The following SAXO4 variants were observed in gnomAD, a reference collection of about 807,000 sequenced individuals.
SAXO4 encodes protein phosphatase 1 regulatory subunit 32.
chr11:61,489,527 G>T, the SAXO4 span: 2 of 582,286 alleles, frequency 3.4e-6, no homozygotes, highest in Non-Finnish European at 6.1e-6. Flanking sequence ...CAAGGTACTG[G>T]CAGGCCAGGG....
chr11:61,490,273 G>A, the SAXO4 span, among the ~76,000 whole-genome samples: 1 of 152,160 alleles, frequency 6.6e-6, no homozygotes, highest in East Asian at 1.9e-4. Context: ...GAGATGAATG[G>A]ACTGTGGTTC....
At chr11:61,482,406 G>A in the SAXO4 span, 1 of 1,614,000 alleles carries the variant, frequency 6.2e-7, no homozygotes, top group African/African-American at 1.3e-5. Flanking sequence ...CAGTCTGGAG[G>A]CCTTAGACAA....
chr11:61,489,963 C>T, the SAXO4 span: 1 of 1,599,698 alleles, frequency 6.3e-7, no homozygotes, highest in Non-Finnish European at 8.5e-7. Flanking sequence ...CCACCCCCAG[C>T]TCTGTTCTTT....
At chr11:61,483,893 G>A in the SAXO4 span, among the ~76,000 whole-genome samples, 1 of 151,972 alleles carries the variant, frequency 6.6e-6, no homozygotes, top group Non-Finnish European at 1.5e-5. Flanking sequence ...GGGAGGCGGA[G>A]GTTGCAGTGA....
the SAXO4 span, chr11:61,490,063 TCTC>T: frequency 9.5e-7 from 1 of 1,055,596 alleles, no homozygotes; most frequent in Non-Finnish European, 1.3e-6. Context: ...GAGAGGCCCA[TCTC>T]CTCTGGCTGG....
the SAXO4 span, chr11:61,489,681 T>C: frequency 8.2e-6 from 10 of 1,223,988 alleles, no homozygotes; most frequent in East Asian, 7.0e-5. Flanking sequence ...TGAGCAAAGG[T>C]GGGGAGGCTG....
chr11:61,482,203 C>G, the SAXO4 span: 1 of 997,464 alleles, frequency 1.0e-6, no homozygotes, highest in East Asian at 2.4e-5. Flanking sequence ...GCTCTGAGCC[C>G]TCCCCTGTCA....
At chr11:61,486,733 G>C in the SAXO4 span, 3 of 1,024,764 alleles carry the variant, frequency 2.9e-6, no homozygotes, top group South Asian at 2.8e-5. Flanking sequence ...TGTGGAGGTA[G>C]GCCCTCAGGT....
the SAXO4 span, chr11:61,485,679 T>G: frequency 1.3e-6 from 1 of 774,984 alleles, no homozygotes; most frequent in Non-Finnish European, 2.2e-6. Context: ...ACGATCCTCA[T>G]GGCGCAGGTC....
chr11:61,483,061 G>A, the SAXO4 span, among the ~76,000 whole-genome samples: 4 of 149,244 alleles, frequency 2.7e-5, no homozygotes, highest in African/African-American at 9.9e-5. Context: ...ATTCCCATGA[G>A]CCTCACACTC....
chr11:61,486,808 A>C, the SAXO4 span: 1 of 905,852 alleles, frequency 1.1e-6, no homozygotes, highest in Non-Finnish European at 1.8e-6. Context: ...CTGAAATAGA[A>C]TTGGCTGGAA....
the SAXO4 span, chr11:61,484,722 G>A: frequency 1.4e-4 from 227 of 1,613,634 alleles, no homozygotes; most frequent in Non-Finnish European, 1.8e-4. Context: ...CAGGAGCACG[G>A]GCCTCAGGCC....
chr11:61,484,133 C>G, the SAXO4 span, among the ~76,000 whole-genome samples: 8 of 152,070 alleles, frequency 5.3e-5, 1 homozygote, highest in African/African-American at 1.9e-4. Flanking sequence ...GTCCCAGCTA[C>G]TTGGGAGGCT....
At chr11:61,482,804 A>G in the SAXO4 span, 1 of 1,607,746 alleles carries the variant, frequency 6.2e-7, no homozygotes, top group Non-Finnish European at 8.5e-7. Flanking sequence ...CCCCCCACCA[A>G]GGAGGTCAGT....
chr11:61,488,184 G>A, the SAXO4 span, among the ~76,000 whole-genome samples: 5,957 of 151,544 alleles, frequency 0.039, 155 homozygotes, highest in Non-Finnish European at 0.056. Flanking sequence ...ATGGGGTTTC[G>A]CCATGTTGGC....
chr11:61,490,450 C>T, the SAXO4 span: 1 of 1,512,638 alleles, frequency 6.6e-7, no homozygotes, highest in Admixed American at 1.7e-5. Context: ...AAGACAAGGT[C>T]CATGCCCTGC....
chr11:61,490,493 C>G, the SAXO4 span: 1 of 1,613,804 alleles, frequency 6.2e-7, no homozygotes. Context: ...CCTCTTGCCT[C>G]CCTGCAGAAC....
the SAXO4 span, chr11:61,482,461 C>T: frequency 5.7e-6 from 9 of 1,592,546 alleles, no homozygotes; most frequent in East Asian, 2.2e-5. Context: ...CCAGCCCCTG[C>T]CCTGCTCATC....
the SAXO4 span, chr11:61,485,507 G>A: frequency 7.7e-6 from 8 of 1,036,446 alleles, no homozygotes; most frequent in African/African-American, 4.8e-5. Flanking sequence ...AGGCACCAGT[G>A]GAAGAAAGAA....
Sources: allele counts gnomAD v4.1 joint callset (sites outside exome capture counted in the v4.1 genomes callset), GRCh38; gene constraint gnomAD v4.1.1; transcripts MANE v1.5; gene names NCBI Gene and HGNC (gene_info 2026-07-23, HGNC 2026-07-21).